The following DENND1B variants were observed in gnomAD, a reference collection of about 807,000 sequenced individuals.
DENND1B encodes the protein DENN domain containing 1B.
Under a neutral mutation model 90.1 loss-of-function variants are expected in DENND1B, and 59 were observed. The ratio of observed to expected loss-of-function variants is 0.65; its 90% CI spans 0.53 to 0.81. DENND1B has a LOEUF of 0.81. DENND1B is among the 40% of genes least tolerant of loss of function. The pLI, the probability that DENND1B is intolerant of heterozygous loss-of-function variation, is 0.00. For synonymous variants in DENND1B, 337 were observed against 324.6 expected (o/e 1.04, Z -0.41); for missense variants, 862 against 912.6 (o/e 0.94, Z 0.71).
intron 3 of DENND1B, among the ~76,000 whole-genome samples, chr1:197,692,338 ATATACCATTTTATG>A (rs974575793): frequency 4.6e-5 from 7 of 151,830 alleles, no homozygotes; most frequent in Non-Finnish European, 1.0e-4. Context: ...CCTCCTAAAT[ATATACCATTTTATG>A]GTTATTTCCT....
chr1:197,561,637 C>T (rs868675387), intron 15 of DENND1B, among the ~76,000 whole-genome samples: 3 of 151,754 alleles, frequency 2.0e-5, no homozygotes, highest in African/African-American at 7.3e-5. Flanking sequence ...AATCAATATC[C>T]TGCTTGCATC....
At position 197,563,759 on chromosome 1, in the gene DENND1B, G is replaced by C. The variant is rs538758848; in HGVS notation, c.1150-10647C>G. Among the ~76,000 whole-genome samples the C allele has an allele frequency of 5.3e-5, 8 of 152,076 alleles. No individual in the cohort carries two copies. The South Asian group carries it at 1.7e-3, about 32-fold the overall frequency. Reference sequence around the variant, plus strand: ...TAGTTATTCTTCCAATAAATCTGGGGAAAGTAAATTGAAAACCTTCTGGAA... The same window carrying C: ...TAGTTATTCTTCCAATAAATCTGGGCAAAGTAAATTGAAAACCTTCTGGAA... On this transcript the variant is annotated intron_variant, in intron 15 of 22. Transcript: ENST00000620048.
In DENND1B at chr1:197,628,985, T is replaced by C. The variant is rs1679062192; in HGVS notation, c.673-11226A>G. On this transcript the variant is annotated intron_variant, in intron 10 of 22. Coordinates refer to ENST00000620048, the MANE Select transcript of DENND1B (RefSeq NM_001195215.2). ...ATAAAAACCACAATGAGATACCATC[T>C]CACACCAGTTAGAATGAACATCATT... 2.0e-5 allele frequency among the ~76,000 whole-genome samples: 3 copies of C among 152,072 alleles called. No individual in the cohort carries two copies. In the South Asian group the frequency reaches 6.2e-4, roughly 32 times the overall value.
chr1:197,525,936 A>C (rs1369591264), intron 20 of DENND1B, among the ~76,000 whole-genome samples: 1 of 152,140 alleles, frequency 6.6e-6, no homozygotes, highest in African/African-American at 2.4e-5. Context: ...AATAACTGAT[A>C]TTATATTCAT....
At chr1:197,774,625 T>C (rs1657034761) in intron 1 of DENND1B, 1 of 152,544 alleles carries the variant, frequency 6.6e-6, no homozygotes, top group Non-Finnish European at 1.5e-5. Flanking sequence ...TCTAATTTTA[T>C]AAGCAGAATC....
chr1:197,584,079 C>T (rs1558271156), intron 14 of DENND1B, among the ~76,000 whole-genome samples: 1 of 151,838 alleles, frequency 6.6e-6, no homozygotes, highest in East Asian at 1.9e-4. Flanking sequence ...CATTACAATG[C>T]ACCTTGTAGC....
chr1:197,541,143 A>G, intron 18 of DENND1B, 128 bp from the exon 19 acceptor site: 2 of 853,418 alleles, frequency 2.3e-6, no homozygotes, highest in Admixed American at 2.6e-5. Context: ...ACAGATTATA[A>G]TCTAACATTC....
chr1:197,577,752 C>A (rs1673813500), intron 15 of DENND1B, among the ~76,000 whole-genome samples: 1 of 152,132 alleles, frequency 6.6e-6, no homozygotes, highest in Non-Finnish European at 1.5e-5. Context: ...CCTTCCAAAT[C>A]CATTACCTGA....
At position 197,539,980 on chromosome 1, in the gene DENND1B, T is replaced by C; in HGVS notation, c.1499A>G (p.Lys500Arg). 2 of 1,613,062 alleles carry C rather than the reference T, an allele frequency of 1.2e-6. No individual in the cohort carries two copies. The highest frequency in any genetic ancestry group is 8.5e-7 in the Non-Finnish European group (1 of 1,179,300). Residue 500 changes from lysine to arginine, a missense_variant, in exon 20 of 23, where the codon AAG becomes AGG. By Grantham distance (26) the Lys-to-Arg change is conservative. Coordinates refer to ENST00000620048, the MANE Select transcript of DENND1B (RefSeq NM_001195215.2). ...CTTACTTACCTGAGCAAGCTTACGC[T>C]TTTCTGAGTTTCCTCCCTTTTCATT... is the stretch of plus-strand genomic sequence containing the variant. ...LHNEKGGNSE[K>R]RKLAQARLKR...
At chr1:197,656,440 T>C (rs967623444) in intron 6 of DENND1B, among the ~76,000 whole-genome samples, 1 of 152,126 alleles carries the variant, frequency 6.6e-6, no homozygotes, top group South Asian at 2.1e-4. Context: ...CAATAGACAA[T>C]TATAAAGAAT....
chr1:197,526,489 ATGATGTGAT>A (rs1669138888), intron 20 of DENND1B, among the ~76,000 whole-genome samples: 2 of 152,242 alleles, frequency 1.3e-5, no homozygotes, highest in Middle Eastern at 3.4e-3. Context: ...AAAAATATTA[ATGATGTGAT>A]TACTGATGTA....
chr1:197,707,977 G>A (rs1407981926), intron 3 of DENND1B, among the ~76,000 whole-genome samples: 9 of 152,046 alleles, frequency 5.9e-5, no homozygotes, highest in Non-Finnish European at 1.0e-4. Context: ...GGCCGCACCC[G>A]GAAAATCAGG....
chr1:197,592,903 CCTA>C (rs528717405), intron 14 of DENND1B, among the ~76,000 whole-genome samples: 4 of 152,038 alleles, frequency 2.6e-5, no homozygotes, highest in Non-Finnish European at 5.9e-5. Context: ...ATTATTAACA[CCTA>C]CTGAGTAATA....
chr1:197,738,968 C>T (rs1662965561), intron 2 of DENND1B, among the ~76,000 whole-genome samples: 2 of 152,170 alleles, frequency 1.3e-5, no homozygotes, highest in African/African-American at 2.4e-5. Flanking sequence ...CTAGACTCCA[C>T]AAAGAGAACA....
chr1:197,647,269 A>G, intron 7 of DENND1B, among the ~76,000 whole-genome samples, 155 bp from the exon 8 acceptor site: 5 of 152,308 alleles, frequency 3.3e-5, no homozygotes, highest in Middle Eastern at 6.8e-3. Context: ...TTAAATGCTG[A>G]TTTGCTAATT....
At chr1:197,753,865 T>C (rs754026181) in intron 2 of DENND1B, among the ~76,000 whole-genome samples, 3 of 151,930 alleles carry the variant, frequency 2.0e-5, no homozygotes, top group Non-Finnish European at 4.4e-5. Context: ...CTGGGTGTGG[T>C]GGCGCACATC....
chr1:197,746,520 AT>A (rs1252289373), intron 2 of DENND1B, among the ~76,000 whole-genome samples: 1 of 152,080 alleles, frequency 6.6e-6, no homozygotes, highest in Non-Finnish European at 1.5e-5. Flanking sequence ...ATTTTTCTAT[AT>A]TTTTTCTTAC....
chr1:197,669,870 C>A (rs961375098), intron 5 of DENND1B, among the ~76,000 whole-genome samples: 1 of 151,872 alleles, frequency 6.6e-6, no homozygotes. Context: ...TTGGAATACA[C>A]GATTTTACTT....
intron 14 of DENND1B, among the ~76,000 whole-genome samples, chr1:197,584,359 C>T (rs1396447663): frequency 6.6e-6 from 1 of 152,096 alleles, no homozygotes; most frequent in African/African-American, 2.4e-5. Flanking sequence ...TCACATGTAG[C>T]TATGTAAATG....
Sources: gnomAD v4.1 joint callset for allele counts (sites outside exome capture counted in the v4.1 genomes callset) on GRCh38, gnomAD v4.1.1 for gene constraint, MANE v1.5 for transcripts, NCBI Gene and HGNC (gene_info 2026-07-23, HGNC 2026-07-21) for gene names.